THAP6: variants seen among roughly 807,000 people sequenced by gnomAD.
THAP6 encodes the protein THAP domain-containing protein 6.
Under a neutral mutation model 20.0 loss-of-function variants are expected in THAP6, and 13 were observed. The ratio of observed to expected loss-of-function variants is 0.65; its 90% confidence interval spans 0.42 to 1.03. The LOEUF (loss-of-function observed/expected upper bound fraction) is 1.03. THAP6 is among the 50% of genes least tolerant of loss of function. THAP6 has a pLI of 0.00. For synonymous variants in THAP6, 93 were observed against 92.2 expected (o/e 1.01, Z -0.05); for missense variants, 262 against 261.6 (o/e 1.00, Z -0.01).
At chr4:75,522,055 A>G (rs753144090) in intron 4 of THAP6, 194 bp downstream of exon 4, 2 of 591,150 alleles carry the variant, frequency 3.4e-6, no homozygotes, top group African/African-American at 1.9e-5. Flanking sequence ...TCCTTTGGTT[A>G]CATATGTAGT....
chr4:75,529,125 C>T lies in THAP6; in HGVS notation c.*1911C>T, dbSNP rs1381095952. 1 of 978,134 alleles carries T rather than the reference C, an allele frequency of 1.0e-6. No homozygotes were observed. The highest frequency in any genetic ancestry group is 1.2e-6 in the Non-Finnish European group (1 of 823,452). 60.6% of individuals were successfully genotyped at this position (978,134 alleles called of 1,614,324 possible). A position where few individuals can be genotyped will look rare whatever the true frequency, so the allele number is the denominator to read the frequency against. ...ACTTAATTTTGAGTTCATAAATGGC[C>T]ACCCTAATGGAAAGTTTGGGTATGA... On this transcript the variant is annotated 3_prime_UTR_variant, in exon 5 of 5. Coordinates refer to ENST00000311638, the MANE Select transcript of THAP6 (RefSeq NM_144721.6).
chr4:75,537,775 C>A (rs75430021), intron 2 of THAP6, among the ~76,000 whole-genome samples: 9,698 of 152,152 alleles, frequency 0.064, 452 homozygotes, highest in African/African-American at 0.11. Context: ...GGAGACTCAG[C>A]GTCCAAGGAG....
intron 2 of THAP6, chr4:75,539,816 A>G (rs1326626219): frequency 1.3e-6 from 2 of 1,535,678 alleles, no homozygotes; most frequent in African/African-American, 1.4e-5. Flanking sequence ...TGAGCCATCC[A>G]CATACTGTTT....
chr4:75,546,896 A>G (rs898639942), intron 3 of THAP6, among the ~76,000 whole-genome samples: 4 of 152,214 alleles, frequency 2.6e-5, no homozygotes, highest in African/African-American at 9.6e-5. Flanking sequence ...CCCTCCCAGA[A>G]ACATCCAGAA....
intron 3 of THAP6, among the ~76,000 whole-genome samples, chr4:75,544,098 A>G (rs1184854294): frequency 6.6e-6 from 1 of 152,150 alleles, no homozygotes; most frequent in Admixed American, 6.5e-5. Context: ...AACACTTTTT[A>G]TAATGGAAAG....
chr4:75,522,632 G>A (rs1270452366), intron 4 of THAP6: 1 of 151,492 alleles, frequency 6.6e-6, no homozygotes, highest in African/African-American at 2.4e-5. Context: ...TTACTGTCCT[G>A]TCCCTGTGGG....
chr4:75,533,585 C>T (rs540933664), downstream of THAP6, among the ~76,000 whole-genome samples: 40 of 152,182 alleles, frequency 2.6e-4, 1 homozygote, highest in African/African-American at 7.7e-4. Flanking sequence ...AAGACATACC[C>T]GAGACTGGGC....
intron 4 of THAP6, among the ~76,000 whole-genome samples, chr4:75,522,857 G>C (rs564140479): frequency 9.9e-5 from 15 of 152,136 alleles, no homozygotes; most frequent in African/African-American, 3.6e-4. Flanking sequence ...GGACACTTAG[G>C]TTTTTTCCAA....
chr4:75,515,472 C>T lies in THAP6; in HGVS notation c.20C>T (p.Ala7Val). Residue 7 changes from alanine to valine, a missense_variant, in exon 2 of 5, where the codon GCC becomes GTC. Physicochemically the swap from Ala to Val is moderately conservative, Grantham distance 64. Transcript: ENST00000311638. Reference sequence around the variant, plus strand: ...GCTAAAATGGTGAAATGCTGCTCCGCCATTGGATGTGCTTCTCGCTGCTTG... The same window carrying T: ...GCTAAAATGGTGAAATGCTGCTCCGTCATTGGATGTGCTTCTCGCTGCTTG... MVKCCS[A>V]IGCASRCLPN... is the part of the protein sequence containing the mutation. The T allele has an allele frequency of 3.1e-6, 5 of 1,613,936 alleles. No individual in the cohort carries two copies. Among genetic ancestry groups the T allele is most frequent in the Non-Finnish European group, 4.2e-6 (5 of 1,179,840 alleles).
chr4:75,531,031 A>G (rs538038874), downstream of THAP6, among the ~76,000 whole-genome samples: 55 of 152,326 alleles, frequency 3.6e-4, 1 homozygote, highest in South Asian at 6.8e-3. Flanking sequence ...TAACATAGGC[A>G]TGAAACTGCT....
In THAP6 at chr4:75,539,990, C is replaced by T; in HGVS notation, c.166-2419C>T. On this transcript the variant is annotated intron_variant, in intron 2 of 4. Transcript: ENST00000502620. Reference sequence around the variant, plus strand: ...CTATTTGTGCCTTAAATAATCTTCCCTCTCTTGTGGCAGCTCAGAAGCAGG... The same window carrying T: ...CTATTTGTGCCTTAAATAATCTTCCTTCTCTTGTGGCAGCTCAGAAGCAGG... The T allele has an allele frequency of 6.5e-6, 10 of 1,531,084 alleles. No individual in the cohort carries two copies. In the South Asian group the frequency reaches 9.6e-5, roughly 15 times the overall value. 94.8% of individuals were successfully genotyped at this position (1,531,084 alleles called of 1,614,324 possible). A position where few individuals can be genotyped will look rare whatever the true frequency, so the allele number is the denominator to read the frequency against.
chr4:75,522,052 GT>G, intron 4 of THAP6, 191 bp downstream of exon 4: 1 of 601,376 alleles, frequency 1.7e-6, no homozygotes, highest in Non-Finnish European at 2.7e-6. Flanking sequence ...TAATCCTTTG[GT>G]TACATATGTA....
chr4:75,533,737 C>T (rs530556031), downstream of THAP6, among the ~76,000 whole-genome samples: 1 of 152,146 alleles, frequency 6.6e-6, no homozygotes, highest in South Asian at 2.1e-4. Context: ...AGAGAAACTC[C>T]TGTTGTTGTT....
At position 75,527,658 on chromosome 4, in the gene THAP6, T is replaced by C. The variant is rs1295203936; in HGVS notation, c.*444T>C. The C allele has an allele frequency of 7.0e-6, 7 of 996,354 alleles. No individual in the cohort carries two copies. Among genetic ancestry groups the C allele is most frequent in the Non-Finnish European group, 8.4e-6 (7 of 835,932 alleles). 61.7% of individuals were successfully genotyped at this position (996,354 alleles called of 1,614,324 possible). On this transcript the variant is annotated 3_prime_UTR_variant, in exon 5 of 5. Coordinates refer to ENST00000311638, the MANE Select transcript of THAP6 (RefSeq NM_144721.6). ...ACTACAAAGCACAATTCATTTGTAA[T>C]GCATATCCATCTTGGATTCAATCCA...
chr4:75,514,949 G>T (rs72647449), intron 1 of THAP6: 142 of 163,446 alleles, frequency 8.7e-4, no homozygotes, highest in Non-Finnish European at 1.5e-3. Context: ...AACAAGACTG[G>T]TGGAGGAGGA....
chr4:75,534,355 T>C (rs546612819), downstream of THAP6, among the ~76,000 whole-genome samples: 68 of 152,262 alleles, frequency 4.5e-4, 1 homozygote, highest in South Asian at 6.9e-3. Context: ...AACTGGCTAG[T>C]CATATGTAGA....
Position 75,527,122 on chromosome 4 carries a change from G to A in THAP6, c.577G>A (p.Glu193Lys). Residue 193 changes from glutamate (E) to lysine (K), a missense_variant, in exon 5 of 5, where the codon GAA becomes AAA. Physicochemically the swap from Glu to Lys is moderately conservative, Grantham distance 56. Coordinates refer to ENST00000311638, the MANE Select transcript of THAP6 (RefSeq NM_144721.6). ...GAAGACAATCAGGGAATTAAAGGAT[G>A]AATGTCTGATCAGCCAAGAAACAGC... ...LRKTIRELKDECLISQETANR... is the reference protein window; with the variant it reads ...LRKTIRELKDKCLISQETANR... The A allele has an allele frequency of 6.2e-7, 1 of 1,614,126 alleles. No homozygotes were observed. Among genetic ancestry groups the A allele is most frequent in the Non-Finnish European group, 8.5e-7 (1 of 1,180,000 alleles).
rs376592822 is a variant in THAP6, at chr4:75,544,129, T to A, written c.243+1643T>A. Among the ~76,000 whole-genome samples the A allele has an allele frequency of 9.2e-5, 14 of 151,972 alleles. No individual in the cohort carries two copies. The East Asian group carries it at 1.9e-3, about 21-fold the overall frequency. On this transcript the variant is annotated intron_variant, in intron 3 of 4. Coordinates refer to the THAP6 transcript ENST00000502620. ...GAAAGTTCCAAACAAAAGTAGAGAG[T>A]ATAATATACTCTAATGCATCCATCA... is the stretch of plus-strand genomic sequence containing the variant.
chr4:75,528,351 A>G lies in THAP6; in HGVS notation c.*1137A>G, dbSNP rs1009698221. The G allele has an allele frequency of 2.0e-6, 2 of 985,326 alleles. No homozygotes were observed. Among genetic ancestry groups the G allele is most frequent in the African/African-American group, 1.7e-5 (1 of 57,230 alleles). The allele number at this position is 985,326 out of a possible 1,614,324, so 61.0% of individuals were successfully genotyped here. On this transcript the variant is annotated 3_prime_UTR_variant, in exon 5 of 5. Transcript: ENST00000311638. ...TCCTTACCGAAAACAACTGAAATTG[A>G]GAGTCATAAATACTGTGGGTTAGAA...
Sources: gnomAD v4.1 joint callset for allele counts (sites outside exome capture counted in the v4.1 genomes callset) on GRCh38, gnomAD v4.1.1 for gene constraint, MANE v1.5 for transcripts, NCBI Gene and HGNC (gene_info 2026-07-23, HGNC 2026-07-21) for gene names.